The following PUS7 variants were observed in gnomAD, a reference collection of about 807,000 sequenced individuals.
PUS7 encodes the protein pseudouridine synthase 7, also known as pseudouridylate synthase 7 homolog.
Under a neutral mutation model 79.8 loss-of-function variants are expected in PUS7, and 48 were observed. That is an observed-to-expected ratio of 0.60 (90% CI 0.48 to 0.76). The LOEUF (loss-of-function observed/expected upper bound fraction) is 0.76, where lower values mean the gene tolerates loss of function less well. Ranked by LOEUF, PUS7 falls within the 30% of genes least tolerant of loss-of-function variation. The pLI, the probability that PUS7 is intolerant of heterozygous loss-of-function variation, is 0.00. For synonymous variants in PUS7, 286 were observed against 272.2 expected (o/e 1.05, Z -0.50); for missense variants, 729 against 797.6 (o/e 0.91, Z 1.04).
At chr7:105,494,438 T>C in intron 6 of PUS7, among the ~76,000 whole-genome samples, 1 of 126,766 alleles carries the variant, frequency 7.9e-6, no homozygotes, top group East Asian at 2.5e-4. Flanking sequence ...TGAGATGGAG[T>C]CTTGCTCTGT....
At chr7:105,506,140 A>C in intron 3 of PUS7, 49 bp downstream of exon 3, 1 of 1,452,776 alleles carries the variant, frequency 6.9e-7, no homozygotes, top group Non-Finnish European at 9.1e-7. Flanking sequence ...ATCTCTAGGA[A>C]ATGCTATTTT....
chr7:105,494,675 T>C (rs888181854), intron 6 of PUS7, among the ~76,000 whole-genome samples: 1 of 152,048 alleles, frequency 6.6e-6, no homozygotes, highest in African/African-American at 2.4e-5. Context: ...CCCAAAGTGC[T>C]GGAATTACAG....
At chr7:105,458,018 T>C in intron 15 of PUS7, 92 bp from the exon 16 acceptor site, 1 of 1,429,222 alleles carries the variant, frequency 7.0e-7, no homozygotes, top group Non-Finnish European at 9.3e-7. Context: ...TACAAAGAAC[T>C]GTGCTGCTTT....
intron 2 of PUS7, among the ~76,000 whole-genome samples, chr7:105,507,632 C>G (rs1044456940): frequency 6.6e-6 from 1 of 152,022 alleles, no homozygotes; most frequent in Non-Finnish European, 1.5e-5. Flanking sequence ...ACCTCCACCT[C>G]CCAGGTTCAA....
At chr7:105,465,738 C>T (rs983097260) in intron 12 of PUS7, among the ~76,000 whole-genome samples, 5 of 152,122 alleles carry the variant, frequency 3.3e-5, no homozygotes, top group African/African-American at 1.2e-4. Flanking sequence ...GAGGCTGAGG[C>T]AGGAGAATTG....
chr7:105,465,303 G>C lies in PUS7; in HGVS notation c.1627+10C>G. 1 of 1,576,468 alleles carries C rather than the reference G, an allele frequency of 6.3e-7. No homozygotes were observed. The stretch of plus-strand genomic sequence containing the variant: ...TTGTTTTAACTATTTTCCCCATACA[G>C]GGAACTTACTTTTATGCTTTGGGTA... On this transcript the variant is annotated intron_variant, in intron 13 of 15. Transcript: ENST00000469408.
intron 9 of PUS7, among the ~76,000 whole-genome samples, chr7:105,474,645 G>C (rs1286667346): frequency 6.6e-6 from 1 of 151,446 alleles, no homozygotes; most frequent in Non-Finnish European, 1.5e-5. Flanking sequence ...ATCGGGCGTG[G>C]TGGCACGTGC....
At chr7:105,476,591 C>T (rs11976449) in intron 9 of PUS7, among the ~76,000 whole-genome samples, 5,467 of 152,152 alleles carry the variant, frequency 0.036, 123 homozygotes, top group Admixed American at 0.056. Flanking sequence ...CTCTTGACCT[C>T]GTGATCTACC....
intron 1 of PUS7, among the ~76,000 whole-genome samples, chr7:105,513,073 T>C (rs946280616): frequency 1.3e-5 from 2 of 152,160 alleles, no homozygotes; most frequent in African/African-American, 2.4e-5. Context: ...CCCATAGTCC[T>C]GTGGTGTTGC....
At chr7:105,505,182 T>C (rs1330944371) in intron 4 of PUS7, among the ~76,000 whole-genome samples, 1 of 152,032 alleles carries the variant, frequency 6.6e-6, no homozygotes, top group Non-Finnish European at 1.5e-5. Context: ...TTTGTATTTT[T>C]AGTAGAGACG....
intron 1 of PUS7, among the ~76,000 whole-genome samples, chr7:105,508,745 C>T (rs760664017): frequency 1.1e-4 from 17 of 150,866 alleles, no homozygotes; most frequent in South Asian, 2.1e-4. Flanking sequence ...GGGTGGCAGG[C>T]GCCTATAGTC....
At chr7:105,464,155 T>G (rs1823543568) in intron 13 of PUS7, among the ~76,000 whole-genome samples, 1 of 152,236 alleles carries the variant, frequency 6.6e-6, no homozygotes, top group South Asian at 2.1e-4. Context: ...TAATTGGTAC[T>G]GGCAAAGTTC....
In PUS7 at chr7:105,496,103, A is replaced by T. The variant is rs1825002350; in HGVS notation, c.731-850T>A. Among the ~76,000 whole-genome samples, 5 of 151,102 alleles carry T rather than the reference A, an allele frequency of 3.3e-5. No individual in the cohort carries two copies. In the Admixed American group the frequency reaches 3.3e-4, roughly 10 times the overall value. ...TGAACCCAGGAGGTGGAGGTTACCG[A>T]GCCAAGATCGTGCCATTGCATTCCA... On this transcript the variant is annotated intron_variant, in intron 5 of 15. Transcript: ENST00000469408.
At chr7:105,481,917 A>G (rs1478006087) in intron 8 of PUS7, among the ~76,000 whole-genome samples, 9 of 152,178 alleles carry the variant, frequency 5.9e-5, no homozygotes, top group African/African-American at 2.2e-4. Flanking sequence ...TTTTTAGTAG[A>G]GACAGGGTTT....
At chr7:105,461,924 TC>T (rs1373156150) in intron 14 of PUS7, among the ~76,000 whole-genome samples, 1 of 152,056 alleles carries the variant, frequency 6.6e-6, no homozygotes, top group African/African-American at 2.4e-5. Context: ...ATGCCCGTAA[TC>T]CCAATACTTT....
rs1825550951 is a variant in PUS7, at chr7:105,508,258, C to T, written c.255G>A (p.Glu85=). 6.2e-7 allele frequency: 1 copy of T among 1,614,052 alleles called. No individual in the cohort carries two copies. The highest frequency in any genetic ancestry group is 1.7e-5 in the Admixed American group (1 of 60,006). ...CGCACTCCTCTGAAAGTCCATCTTC[C>T]TCCTCTTCTTCCTCATCTTCCAACT... The part of the protein sequence containing the change: ...EAQLEDEEEE[E]EDGLSEECEE... The change falls in exon 2 of 16, where the codon GAG becomes GAA. Residue 85 remains glutamate (E), a synonymous_variant. Transcript: ENST00000469408.
Position 105,457,738 on chromosome 7 carries a change from G to A in PUS7, c.*52C>T. On this transcript the variant is annotated 3_prime_UTR_variant, in exon 16 of 16. Transcript: ENST00000469408. ...GAACTAAGACAAAAATGCACAGGGA[G>A]CCAGGAAGCAAACACTTGTGTACGT... The A allele has an allele frequency of 6.3e-7, 1 of 1,580,994 alleles. No homozygotes were observed. The highest frequency in any genetic ancestry group is 8.6e-7 in the Non-Finnish European group (1 of 1,159,180).
chr7:105,493,368 G>C lies in PUS7; in HGVS notation c.843-1751C>G, dbSNP rs117541545. Among the ~76,000 whole-genome samples the C allele has an allele frequency of 2.6e-5, 4 of 152,336 alleles. No individual in the cohort carries two copies. In the South Asian group the frequency reaches 8.3e-4, roughly 32 times the overall value. On this transcript the variant is annotated intron_variant, in intron 6 of 15. Coordinates refer to ENST00000469408, the MANE Select transcript of PUS7 (RefSeq NM_019042.5). ...AAATCCTGAGCAATCCTCAACTCCC[G>C]ATCTTGGAGGAACTCCCTCCCCACC...
At chr7:105,503,232 C>T (rs1447379375) in intron 4 of PUS7, among the ~76,000 whole-genome samples, 3 of 152,138 alleles carry the variant, frequency 2.0e-5, no homozygotes, top group African/African-American at 7.2e-5. Context: ...ACCCATGGGC[C>T]ACCAACCCAG....
Sources: gnomAD v4.1 joint callset for allele counts (sites outside exome capture counted in the v4.1 genomes callset) on GRCh38, gnomAD v4.1.1 for gene constraint, MANE v1.5 for transcripts, NCBI Gene and HGNC (gene_info 2026-07-23, HGNC 2026-07-21) for gene names.